Variants in NR3C2 observed in about 807,000 individuals in gnomAD.
NR3C2 encodes nuclear receptor subfamily 3 group C member 2.
In NR3C2, 15 loss-of-function variants were observed where a neutral mutation model predicts 86.4. That is an observed-to-expected ratio of 0.17 (90% confidence interval 0.12 to 0.27). NR3C2 has a LOEUF of 0.27. Among genes scored for constraint, NR3C2 ranks in the 10% least tolerant of loss-of-function variants. NR3C2 has a pLI of 1.00. For synonymous variants in NR3C2, 458 were observed against 450.5 expected, an observed-to-expected ratio of 1.02 and a Z score of -0.21; for missense variants, 960 against 1,195.6, an observed-to-expected ratio of 0.80 and a Z score of 2.91.
chr4:148,371,758 T>C (rs1579218475), intron 2 of NR3C2, among the ~76,000 whole-genome samples: 2 of 152,312 alleles, frequency 1.3e-5, no homozygotes, highest in Admixed American at 1.3e-4. Context: ...GAGAGACAGA[T>C]ACTGTGATAG....
rs1424133767 is a variant in NR3C2, at chr4:148,348,665, G to A, written c.1757+86439C>T. On this transcript the variant is annotated intron_variant, in intron 2 of 8. Coordinates refer to ENST00000358102, the MANE Select transcript of NR3C2 (RefSeq NM_000901.5). ...AGAGGTGTCATTGGGGAGCTAATGA[G>A]GTTTATAGGATCCTTTGCCTGGATA... 4.6e-5 allele frequency among the ~76,000 whole-genome samples: 7 copies of A among 152,150 alleles called. No homozygotes were observed. In the East Asian group the frequency reaches 5.8e-4, roughly 13 times the overall value.
At chr4:148,088,559 T>C in intron 8 of NR3C2, among the ~76,000 whole-genome samples, 1 of 152,144 alleles carries the variant, frequency 6.6e-6, no homozygotes, top group South Asian at 2.1e-4. Context: ...TTCATGTCCT[T>C]TGCAGGGACA....
intron 6 of NR3C2, among the ~76,000 whole-genome samples, chr4:148,131,825 G>A (rs1281214573): frequency 2.6e-5 from 4 of 152,156 alleles, no homozygotes; most frequent in Non-Finnish European, 4.4e-5. Flanking sequence ...CTTAGTTGAT[G>A]TTCCAGAAGA....
intron 2 of NR3C2, among the ~76,000 whole-genome samples, chr4:148,287,421 A>G (rs1181615583): frequency 1.3e-5 from 2 of 152,140 alleles, no homozygotes; most frequent in Non-Finnish European, 2.9e-5. Context: ...TGCCTTGCCC[A>G]TGGCTTTTAG....
chr4:148,088,590 C>T (rs1434001458), intron 8 of NR3C2, among the ~76,000 whole-genome samples: 1 of 150,146 alleles, frequency 6.7e-6, no homozygotes, highest in East Asian at 1.9e-4. Flanking sequence ...TGGAAACCAT[C>T]ATTCTCAGCA....
rs1008765413 is a variant in NR3C2 at position 148,194,877 on chromosome 4, A to T, written c.1898-15T>A. On this transcript the variant is annotated splice_polypyrimidine_tract_variant and intron_variant, in intron 3 of 8. Transcript: ENST00000358102. ...GTTGTGTTGCCCTGATTAAAATAAT[A>T]AAAAATAACTGTTAAAATAGAGTAC... 2 of 1,560,686 alleles carry T rather than the reference A, an allele frequency of 1.3e-6. No homozygotes were observed. Among genetic ancestry groups the T allele is most frequent in the East Asian group, 2.2e-5 (1 of 44,604 alleles).
intron 2 of NR3C2, among the ~76,000 whole-genome samples, chr4:148,316,648 T>C (rs141007711): frequency 3.9e-5 from 6 of 152,328 alleles, no homozygotes; most frequent in Middle Eastern, 6.8e-3. Context: ...CTCAGTTATA[T>C]AGGTTTTTAT....
At chr4:148,330,005 C>CA (rs1441498881) in intron 2 of NR3C2, among the ~76,000 whole-genome samples, 1 of 152,136 alleles carries the variant, frequency 6.6e-6, no homozygotes, top group Non-Finnish European at 1.5e-5. Context: ...GGCTGCACTA[C>CA]AACAATGTCA....
rs372878780 is a variant in NR3C2, at chr4:148,303,385, G to C, written c.1758-43268C>G. ...TATCCTGAAAATCCTGCCAGGTGAT[G>C]GGAATAAATAGGGTGCCTATCATCC... On this transcript the variant is annotated intron_variant, in intron 2 of 8. Transcript: ENST00000358102. Among the ~76,000 whole-genome samples, 214 of 152,210 alleles carry C rather than the reference G, an allele frequency of 1.4e-3. 7 individuals are homozygous for C. The South Asian group carries it at 0.043, about 31-fold the overall frequency.
chr4:148,347,401 T>C (rs1184883218), intron 2 of NR3C2, among the ~76,000 whole-genome samples: 5 of 152,074 alleles, frequency 3.3e-5, no homozygotes, highest in Non-Finnish European at 5.9e-5. Context: ...AAAAAGTGAA[T>C]ACTCTATCTT....
rs61761540 is a variant in NR3C2 at position 148,357,487 on chromosome 4, G to A, written c.1757+77617C>T. 5.8e-3 allele frequency among the ~76,000 whole-genome samples: 882 copies of A among 152,020 alleles called. 5 individuals carry two copies. The highest frequency in any genetic ancestry group is 0.014 in the Middle Eastern group (4 of 292). On this transcript the variant is annotated intron_variant, in intron 2 of 8. Coordinates refer to ENST00000358102, the MANE Select transcript of NR3C2 (RefSeq NM_000901.5). ...CTAGACTATACATCTCTTTTAATAT[G>A]GTAAATATAACATGGAAGTCTCCCC...
chr4:148,420,429 T>C (rs1025714161), intron 2 of NR3C2, among the ~76,000 whole-genome samples: 5 of 152,224 alleles, frequency 3.3e-5, no homozygotes, highest in Admixed American at 2.0e-4. Context: ...CATTCACTTA[T>C]AACTATCACA....
At chr4:148,319,721 T>G (rs1031472336) in intron 2 of NR3C2, among the ~76,000 whole-genome samples, 2 of 151,122 alleles carry the variant, frequency 1.3e-5, no homozygotes, top group African/African-American at 4.9e-5. Flanking sequence ...TTTTGTACAT[T>G]GATTTTGTAT....
chr4:148,344,731 A>G (rs528886867), intron 2 of NR3C2, among the ~76,000 whole-genome samples: 2 of 152,316 alleles, frequency 1.3e-5, no homozygotes, highest in Admixed American at 6.5e-5. Context: ...CATTCTAAAA[A>G]TCAGACAATT....
intron 6 of NR3C2, among the ~76,000 whole-genome samples, chr4:148,138,193 A>G (rs1733439675): frequency 6.6e-6 from 1 of 152,210 alleles, no homozygotes; most frequent in Non-Finnish European, 1.5e-5. Flanking sequence ...AACAACATGA[A>G]GCTCATTAAC....
chr4:148,284,194 C>G (rs981694316), intron 2 of NR3C2, among the ~76,000 whole-genome samples: 1 of 152,028 alleles, frequency 6.6e-6, no homozygotes, highest in African/African-American at 2.4e-5. Flanking sequence ...TAGAGTAGAG[C>G]CTTATGTATG....
chr4:148,272,020 T>G (rs1434970170), intron 2 of NR3C2, among the ~76,000 whole-genome samples: 1 of 152,178 alleles, frequency 6.6e-6, no homozygotes, highest in Non-Finnish European at 1.5e-5. Flanking sequence ...AACAGTTATC[T>G]TCTCCCTCTA....
chr4:148,436,472 G>A lies in NR3C2; in HGVS notation c.389C>T (p.Pro130Leu). 1 of 1,614,124 alleles carries A rather than the reference G, an allele frequency of 6.2e-7. No homozygotes were observed. Among genetic ancestry groups the A allele is most frequent in the South Asian group, 1.1e-5 (1 of 91,084 alleles). The change falls in exon 2 of 9, where the codon CCA becomes CTA. Residue 130 changes from proline to leucine, a missense_variant. Physicochemically the swap from Pro to Leu is moderately conservative, Grantham distance 98. This residue lies in a region of NR3C2 where 680 missense variants were observed against 719.0 expected (regional missense o/e 0.95). Coordinates refer to ENST00000358102, the MANE Select transcript of NR3C2 (RefSeq NM_000901.5). ...EQQNQQGSMS[P>L]AKIYQNVEQL... ...TTCAACATTCTGATAAATCTTAGCTGGACTCATGCTTCCTTGTTGGTTCTG... is the reference window on the plus strand; with the variant it reads ...TTCAACATTCTGATAAATCTTAGCTAGACTCATGCTTCCTTGTTGGTTCTG...
intron 3 of NR3C2, among the ~76,000 whole-genome samples, chr4:148,230,733 A>G (rs891577438): frequency 7.2e-5 from 11 of 152,218 alleles, no homozygotes; most frequent in African/African-American, 2.7e-4. Flanking sequence ...TTTCATGCTC[A>G]GTTATAACCA....
Sources: allele counts gnomAD v4.1 joint callset (sites outside exome capture counted in the v4.1 genomes callset), GRCh38; gene constraint gnomAD v4.1.1; regional missense constraint gnomAD v4.1.1; transcripts MANE v1.5; gene names NCBI Gene and HGNC (gene_info 2026-07-23, HGNC 2026-07-21).